The following PYGB variants were observed in gnomAD, a reference collection of about 807,000 sequenced individuals.
PYGB encodes glycogen phosphorylase, brain form.
Under a neutral mutation model 94.3 loss-of-function variants are expected in PYGB, and 82 were observed. That is an observed-to-expected ratio of 0.87 (90% CI 0.73 to 1.04). PYGB has a LOEUF of 1.04. Among genes scored for constraint, PYGB ranks in the 50% least tolerant of loss-of-function variants. The pLI is 0.00. For missense variants in PYGB, 1,132 were observed against 1,158.2 expected (o/e 0.98, Z 0.33); for synonymous variants, 488 against 479.1 (o/e 1.02, Z -0.24).
chr20:25,258,013 C>T (rs145814599), intron 1 of PYGB, among the ~76,000 whole-genome samples: 1 of 152,260 alleles, frequency 6.6e-6, no homozygotes, highest in East Asian at 1.9e-4. Flanking sequence ...GCTATGAGGA[C>T]TCATTAATTA....
chr20:25,268,155 G>GCCCCCCC (rs1287736524), intron 2 of PYGB, among the ~76,000 whole-genome samples: 3 of 6,256 alleles, frequency 4.8e-4, no homozygotes, highest in African/African-American at 1.2e-3. Flanking sequence ...GTAAATCCTA[G>GCCCCCCC]CACCCGCCCC....
intron 16 of PYGB, 138 bp from the exon 17 acceptor site, chr20:25,292,268 G>GAGCAGGGAGTGT: frequency 1.0e-6 from 1 of 1,003,912 alleles, no homozygotes; most frequent in Non-Finnish European, 1.4e-6. Flanking sequence ...GCGGGAGTGG[G>GAGCAGGGAGTGT]GGCTGGAGCG....
intron 8 of PYGB, 132 bp downstream of exon 8, chr20:25,278,594 TCTGGGCCAGGATCCCAC>T: frequency 7.6e-7 from 1 of 1,309,966 alleles, no homozygotes; most frequent in Admixed American, 2.7e-5. Flanking sequence ...GTCTCGTCAT[TCTGGGCCAGGATCCCAC>T]CTGGGCCCTC....
chr20:25,269,402 G>A (rs1568688099), intron 3 of PYGB, among the ~76,000 whole-genome samples, 195 bp downstream of exon 3: 1 of 152,220 alleles, frequency 6.6e-6, no homozygotes, highest in Admixed American at 6.5e-5. Flanking sequence ...TCACACAAGG[G>A]ACGTGTCATC....
Position 25,296,514 on chromosome 20 carries a change from C to T in PYGB, c.2524C>T (p.Arg842Trp), listed in dbSNP as rs146361543. 1.4e-5 allele frequency: 22 copies of T among 1,612,764 alleles called. No individual in the cohort carries two copies. Among genetic ancestry groups the T allele is most frequent in the African/African-American group, 5.3e-5 (4 of 74,928 alleles). Residue 842 changes from arginine to tryptophan, a missense_variant, in exon 20 of 20, where the codon CGG becomes TGG. Transcript: ENST00000216962. ...GCAGATCCCGCCCCCCAACATCCCC[C>T]GGGACTAGGCACACCCTGCCTTGGC... ...DLQIPPPNIP[R>W]D
At chr20:25,279,036 C>A in intron 8 of PYGB, 21 bp from the exon 9 acceptor site, 1 of 1,599,922 alleles carries the variant, frequency 6.3e-7, no homozygotes, top group South Asian at 1.1e-5. Context: ...GACTGAATGG[C>A]ACCCCTTGTG....
intron 15 of PYGB, 76 bp downstream of exon 15, chr20:25,288,559 A>C: frequency 1.2e-5 from 18 of 1,510,086 alleles, no homozygotes; most frequent in Non-Finnish European, 1.6e-5. Flanking sequence ...CACGCTTCTC[A>C]TGGTGCCACC....
chr20:25,267,587 A>G (rs1036785146), intron 2 of PYGB, among the ~76,000 whole-genome samples: 3 of 152,126 alleles, frequency 2.0e-5, no homozygotes, highest in African/African-American at 4.8e-5. Context: ...CTGGAGTGCA[A>G]TGATACGATC....
chr20:25,252,347 C>T (rs536803604), intron 1 of PYGB, among the ~76,000 whole-genome samples: 2 of 152,264 alleles, frequency 1.3e-5, no homozygotes, highest in African/African-American at 4.8e-5. Flanking sequence ...TAGATAGTAA[C>T]GTGGATGTCC....
chr20:25,269,227 A>T lies in PYGB; in HGVS notation c.424+20A>T. ...TGGCAGGTAAGTTGCCCCATCCAGG[A>T]GGAGCTCTCTCGGACCCGTTGGCTT... On this transcript the variant is annotated intron_variant, in intron 3 of 19. Transcript: ENST00000216962. 6.5e-7 allele frequency: 1 copy of T among 1,542,516 alleles called. No homozygotes were observed. Among genetic ancestry groups the T allele is most frequent in the Non-Finnish European group, 8.9e-7 (1 of 1,117,600 alleles).
chr20:25,255,794 C>T (rs534917081), intron 1 of PYGB, among the ~76,000 whole-genome samples: 56 of 151,136 alleles, frequency 3.7e-4, no homozygotes, highest in East Asian at 9.8e-4. Flanking sequence ...AGTGCAGTGG[C>T]GCGATCTCTA....
At chr20:25,289,876 C>G (rs368982352) in intron 15 of PYGB, 1 of 533,502 alleles carries the variant, frequency 1.9e-6, no homozygotes, top group East Asian at 5.4e-5. Context: ...TACCACCATC[C>G]GTCACACCTA....
intron 1 of PYGB, chr20:25,251,103 T>C (rs908754459): frequency 1.3e-5 from 2 of 152,254 alleles, no homozygotes; most frequent in South Asian, 4.1e-4. Flanking sequence ...TTTGCCATGC[T>C]TGGCAAATCA....
chr20:25,297,623 C>T lies in PYGB; in HGVS notation c.*1101C>T, dbSNP rs964474383. 3 of 152,380 alleles carry T rather than the reference C, an allele frequency of 2.0e-5. No individual in the cohort carries two copies. The highest frequency in any genetic ancestry group is 4.4e-5 in the Non-Finnish European group (3 of 68,156). 9.4% of individuals were successfully genotyped at this position (152,380 alleles called of 1,614,324 possible). The stretch of plus-strand genomic sequence containing the variant: ...AGCCCCTCACAGCCTTGCCCCTCCC[C>T]AAGGCTGGCAACCTGCCTCCCATTG... On this transcript the variant is annotated 3_prime_UTR_variant, in exon 20 of 20. Coordinates refer to ENST00000216962, the MANE Select transcript of PYGB (RefSeq NM_002862.4).
Position 25,282,021 on chromosome 20 carries a change from CTG to C in PYGB, c.1404-8_1404-7del. 2 of 1,593,310 alleles carry C rather than the reference CTG, an allele frequency of 1.3e-6. No homozygotes were observed. Among genetic ancestry groups the C allele is most frequent in the Non-Finnish European group, 1.7e-6 (2 of 1,161,148 alleles). On this transcript the variant is annotated splice_polypyrimidine_tract_variant and intron_variant, in intron 11 of 19. Transcript: ENST00000216962. ...AGCATTTGTGACAGTTCCCTGTTCTCTGTGTTTGCAGCTTTAAGGATTTTTAT... is the reference window on the plus strand; with the variant it reads ...AGCATTTGTGACAGTTCCCTGTTCTCTGTTTGCAGCTTTAAGGATTTTTAT...
At chr20:25,254,561 A>G (rs2092897804) in intron 1 of PYGB, among the ~76,000 whole-genome samples, 1 of 152,248 alleles carries the variant, frequency 6.6e-6, no homozygotes, top group South Asian at 2.1e-4. Context: ...CAGTGTCTTC[A>G]ACAGTACCTT....
intron 1 of PYGB, among the ~76,000 whole-genome samples, chr20:25,257,196 A>C (rs1320551936): frequency 1.3e-5 from 2 of 152,270 alleles, no homozygotes; most frequent in African/African-American, 4.8e-5. Flanking sequence ...GCAAATGATG[A>C]AAGTTCTTAA....
chr20:25,272,039 C>T (rs1770181547), intron 4 of PYGB, among the ~76,000 whole-genome samples: 1 of 152,178 alleles, frequency 6.6e-6, no homozygotes, highest in Non-Finnish European at 1.5e-5. Context: ...TGAAGCCTCA[C>T]ACTACAGCTA....
chr20:25,278,813 C>G (rs146655912), intron 8 of PYGB, among the ~76,000 whole-genome samples: 2 of 152,252 alleles, frequency 1.3e-5, no homozygotes, highest in Non-Finnish European at 2.9e-5. Flanking sequence ...AGCACATACC[C>G]GCAGCAGAGC....
Sources: allele counts gnomAD v4.1 joint callset (sites outside exome capture counted in the v4.1 genomes callset), GRCh38; gene constraint gnomAD v4.1.1; transcripts MANE v1.5; gene names NCBI Gene and HGNC (gene_info 2026-07-23, HGNC 2026-07-21).